ACSBG1: variants seen among roughly 807,000 people sequenced by gnomAD.
ACSBG1 encodes acyl-CoA synthetase bubblegum family member 1.
In ACSBG1, 39 loss-of-function variants were observed where a neutral mutation model predicts 80.2. That is an observed-to-expected ratio of 0.49 (90% CI 0.38 to 0.64). ACSBG1 has a LOEUF of 0.64. ACSBG1 is among the 30% of genes least tolerant of loss of function. The pLI, the probability that ACSBG1 is intolerant of heterozygous loss-of-function variation, is 0.00. For synonymous variants in ACSBG1, 392 were observed against 379.5 expected (o/e 1.03, Z -0.38); for missense variants, 828 against 966.4 (o/e 0.86, Z 1.90).
chr15:78,170,546 G>A lies in ACSBG1; in HGVS notation c.*898C>T, dbSNP rs1386552711. The A allele has an allele frequency of 2.0e-5, 3 of 152,202 alleles. No individual in the cohort carries two copies. The highest frequency in any genetic ancestry group is 7.2e-5 in the African/African-American group (3 of 41,426). The allele number at this position is 152,202 out of a possible 1,614,324, so 9.4% of individuals were successfully genotyped here. On this transcript the variant is annotated 3_prime_UTR_variant, in exon 14 of 14. Transcript: ENST00000258873. ...TAATAAAGAATTCCAAAACTGAGAT[G>A]TTTGCTTTCTCTACCTGTTTCCTGT...
At chr15:78,194,145 C>A in intron 3 of ACSBG1, 125 bp from the exon 4 acceptor site, 5 of 896,074 alleles carry the variant, frequency 5.6e-6, no homozygotes, top group Non-Finnish European at 8.8e-6. Flanking sequence ...TCCCCTCAGT[C>A]AGAGAATCCC....
At position 78,182,065 on chromosome 15, in the gene ACSBG1, G is replaced by C; in HGVS notation, c.975C>G (p.Tyr325Ter). 6.2e-7 allele frequency: 1 copy of C among 1,614,000 alleles called. No individual in the cohort carries two copies. The highest frequency in any genetic ancestry group is 8.5e-7 in the Non-Finnish European group (1 of 1,180,032). ...AEVQQEVVVS[Y>*]LPLSHIAAQI... Reference sequence around the variant, plus strand: ...GGGCGGCAATATGGCTGAGGGGCAGGTAGCTGACTACCACCTCCTGCTGGA... The same window carrying C: ...GGGCGGCAATATGGCTGAGGGGCAGCTAGCTGACTACCACCTCCTGCTGGA... The change falls in exon 8 of 14, where the codon TAC (tyrosine) becomes TAG (stop). Residue 325 changes from tyrosine (Y) to a stop codon, truncating the protein, a stop_gained. Transcript: ENST00000258873. LOFTEE classifies it high-confidence loss of function.
chr15:78,203,440 C>T (rs964027327), intron 2 of ACSBG1, among the ~76,000 whole-genome samples: 1 of 152,238 alleles, frequency 6.6e-6, no homozygotes, highest in Non-Finnish European at 1.5e-5. Flanking sequence ...GCACACTGCC[C>T]GCCCACCAAG....
At chr15:78,183,248 G>A (rs1445412937) in intron 5 of ACSBG1, among the ~76,000 whole-genome samples, 1 of 152,238 alleles carries the variant, frequency 6.6e-6, no homozygotes, top group African/African-American at 2.4e-5. Context: ...GGGGTGCAAT[G>A]TAAATATATG....
intron 1 of ACSBG1, among the ~76,000 whole-genome samples, chr15:78,225,053 TA>T (rs1408671023): frequency 6.6e-6 from 1 of 152,118 alleles, no homozygotes; most frequent in African/African-American, 2.4e-5. Context: ...TGGTCAATAT[TA>T]AAAAATCAAT....
chr15:78,204,581 G>A (rs1374831923), intron 2 of ACSBG1, among the ~76,000 whole-genome samples: 1 of 152,230 alleles, frequency 6.6e-6, no homozygotes, highest in Non-Finnish European at 1.5e-5. Context: ...GACCCCCAGA[G>A]GTTCCACTCA....
Position 78,207,888 on chromosome 15 carries a change from C to T in ACSBG1, c.232+114G>A, listed in dbSNP as rs868503232. 30 of 811,036 alleles carry T rather than the reference C, an allele frequency of 3.7e-5. No homozygotes were observed. In the South Asian group the frequency reaches 3.9e-4, roughly 11 times the overall value. 50.2% of individuals were successfully genotyped at this position (811,036 alleles called of 1,614,324 possible). A position where few individuals can be genotyped will look rare whatever the true frequency, so the allele number is the denominator to read the frequency against. ...AGCGTGGAACCAGCAAGATCCCCAG[C>T]TGCTCCTTCCCGCAGTTCTGTGTGG... On this transcript the variant is annotated intron_variant, in intron 2 of 13. Transcript: ENST00000258873.
At chr15:78,176,751 C>T (rs1056732082) in intron 11 of ACSBG1, among the ~76,000 whole-genome samples, 4 of 151,894 alleles carry the variant, frequency 2.6e-5, no homozygotes, top group East Asian at 1.9e-4. Flanking sequence ...ATGGCAAAAC[C>T]CTGTCTCTAC....
chr15:78,217,792 C>T (rs2075324521), intron 1 of ACSBG1, among the ~76,000 whole-genome samples: 1 of 152,136 alleles, frequency 6.6e-6, no homozygotes. Context: ...GTCTCGTACT[C>T]CTGACCTCGT....
In ACSBG1 at chr15:78,194,018, G is replaced by A. The variant is rs753800326; in HGVS notation, c.456C>T (p.Leu152=). ...CCACACTGTGGGCCTGCTTCAGGCC[G>A]AGCTCCAGGTCAAAGGCAGACAGGC... ...ARRAAKGFLK[L]GLKQAHSVAI... Residue 152 remains leucine, a splice_region_variant and synonymous_variant, in exon 4 of 14, where the codon CTC becomes CTT. Coordinates refer to ENST00000258873, the MANE Select transcript of ACSBG1 (RefSeq NM_015162.5). 23 of 1,613,894 alleles carry A rather than the reference G, an allele frequency of 1.4e-5. No individual in the cohort carries two copies. The highest frequency in any genetic ancestry group is 3.3e-5 in the South Asian group (3 of 91,076).
At chr15:78,216,191 T>C (rs369756346) in intron 1 of ACSBG1, among the ~76,000 whole-genome samples, 9 of 152,310 alleles carry the variant, frequency 5.9e-5, no homozygotes, top group East Asian at 1.9e-4. Context: ...CTTCCTTCTA[T>C]GAGTATTGAT....
At chr15:78,229,680 G>T (rs542161990) in intron 1 of ACSBG1, among the ~76,000 whole-genome samples, 1 of 152,214 alleles carries the variant, frequency 6.6e-6, no homozygotes, top group African/African-American at 2.4e-5. Context: ...CCCTCCCTGG[G>T]CCAGATGGGA....
intron 1 of ACSBG1, among the ~76,000 whole-genome samples, chr15:78,231,356 C>T (rs534115455): frequency 1.3e-5 from 2 of 151,772 alleles, no homozygotes; most frequent in East Asian, 3.9e-4. Context: ...GTCTCGAACT[C>T]CTGACCTCAG....
intron 12 of ACSBG1, 60 bp from the exon 13 acceptor site, chr15:78,173,899 C>G: frequency 6.4e-7 from 1 of 1,568,224 alleles, no homozygotes; most frequent in Non-Finnish European, 8.6e-7. Flanking sequence ...AAGCCCTGGT[C>G]CTGGAGGAGG....
chr15:78,179,002 A>G, intron 10 of ACSBG1, 171 bp from the exon 11 acceptor site: 1 of 634,848 alleles, frequency 1.6e-6, no homozygotes, highest in African/African-American at 1.8e-5. Context: ...AGCCAAGTAA[A>G]GGGTTTTAGG....
intron 5 of ACSBG1, among the ~76,000 whole-genome samples, chr15:78,186,444 T>C (rs1207271838): frequency 6.6e-6 from 1 of 152,048 alleles, no homozygotes; most frequent in South Asian, 2.1e-4. Context: ...CCTCAGCAAA[T>C]GTAAAAGATC....
At position 78,182,509 on chromosome 15, in the gene ACSBG1, C is replaced by G; in HGVS notation, c.851G>C (p.Gly284Ala). The change falls in exon 7 of 14, where the codon GGC (glycine) becomes GCC (alanine). Residue 284 changes from glycine (G) to alanine (A), a missense_variant. Coordinates refer to ENST00000258873, the MANE Select transcript of ACSBG1 (RefSeq NM_015162.5). ...NQCCVLVYTS[G>A]TTGNPKGVML... ...CACGCCCTTGGGGTTCCCAGTGGTG[C>G]CGGAAGTGTAGACTAGCACACAGCA... is the stretch of plus-strand genomic sequence containing the variant. The G allele has an allele frequency of 6.2e-7, 1 of 1,614,164 alleles. No individual in the cohort carries two copies. The highest frequency in any genetic ancestry group is 8.5e-7 in the Non-Finnish European group (1 of 1,180,030).
chr15:78,230,743 A>G (rs778206609), intron 1 of ACSBG1, among the ~76,000 whole-genome samples: 5 of 152,220 alleles, frequency 3.3e-5, no homozygotes, highest in Non-Finnish European at 1.5e-5. Flanking sequence ...GTCTGCTGCC[A>G]TGTGAGATGT....
rs1208225821 is a variant in ACSBG1, at chr15:78,193,580, G to A, written c.589C>T (p.Gln197Ter). The change falls in exon 5 of 14, where the codon CAG (glutamine) becomes TAG (stop). Residue 197 changes from glutamine to a stop codon, truncating the protein, a stop_gained. Transcript: ENST00000258873. LOFTEE classifies it high-confidence loss of function. ...GCGCAGCAGTCATAAGCGATGTACT[G>A]GCAGGCCTCTGGGGAGCTGGTGGTG... Reference protein sequence around the residue: ...IYTTSSPEACQYIAYDCCANV... With the variant: ...IYTTSSPEAC 7 of 1,613,774 alleles carry A rather than the reference G, an allele frequency of 4.3e-6. No homozygotes were observed. Among genetic ancestry groups the A allele is most frequent in the Admixed American group, 1.7e-5 (1 of 59,994 alleles).
Sources: gnomAD v4.1 joint callset for allele counts (sites outside exome capture counted in the v4.1 genomes callset) on GRCh38, gnomAD v4.1.1 for gene constraint, MANE v1.5 for transcripts, NCBI Gene and HGNC (gene_info 2026-07-23, HGNC 2026-07-21) for gene names.